The following DSG3 variants were observed in gnomAD, a reference collection of about 807,000 sequenced individuals.
The protein encoded by DSG3 is desmoglein 3.
A neutral mutation model predicts 85.9 loss-of-function variants in DSG3; 63 were observed. The observed-to-expected ratio is 0.73, with a 90% CI of 0.60 to 0.90. DSG3 has a LOEUF of 0.90. Ranked by LOEUF, DSG3 falls within the 40% of genes least tolerant of loss-of-function variation. The probability of loss-of-function intolerance (pLI) is 0.00; values close to 1 mark genes in which losing one functional copy is unlikely to be tolerated. For synonymous variants in DSG3, 447 were observed against 441.9 expected, an observed-to-expected ratio of 1.01 and a Z score of -0.14; for missense variants, 1,220 against 1,219.9, an observed-to-expected ratio of 1.00 and a Z score of 0.00.
At chr18:31,450,322 A>G (rs1040937386) in intron 1 of DSG3, among the ~76,000 whole-genome samples, 36 of 152,206 alleles carry the variant, frequency 2.4e-4, no homozygotes, top group African/African-American at 8.7e-4. Flanking sequence ...GCCTAGGGGA[A>G]ATGGACACAC....
intron 8 of DSG3, among the ~76,000 whole-genome samples, chr18:31,462,879 T>A (rs2072794777): frequency 6.6e-6 from 1 of 152,006 alleles, no homozygotes; most frequent in Non-Finnish European, 1.5e-5. Flanking sequence ...CTCTTCTCTT[T>A]AAAACCATCC....
intron 1 of DSG3, among the ~76,000 whole-genome samples, chr18:31,454,034 T>A (rs965929996): frequency 6.6e-6 from 1 of 152,128 alleles, no homozygotes; most frequent in Non-Finnish European, 1.5e-5. Context: ...CTAAAATAAT[T>A]TTTTTAAAAA....
chr18:31,457,729 G>A (rs2072757891), intron 3 of DSG3, among the ~76,000 whole-genome samples: 2 of 151,794 alleles, frequency 1.3e-5, no homozygotes, highest in Non-Finnish European at 2.9e-5. Context: ...CCAGGTTCAA[G>A]CAATTCTCCT....
At chr18:31,474,534 T>C in intron 15 of DSG3, 130 bp downstream of exon 15, 1 of 1,214,068 alleles carries the variant, frequency 8.2e-7, no homozygotes, top group Non-Finnish European at 1.1e-6. Flanking sequence ...ATGGTTTGTT[T>C]GTTTTTTGCC....
chr18:31,458,917 C>A lies in DSG3; in HGVS notation c.373-116C>A, dbSNP rs2144269173. The stretch of plus-strand genomic sequence containing the variant: ...CCACTTTGTCTACCCTTTGGGGAAA[C>A]ATTTCTTCTTTGCACAAAAGTGATG... On this transcript the variant is annotated intron_variant, in intron 4 of 15. Coordinates refer to ENST00000257189, the MANE Select transcript of DSG3 (RefSeq NM_001944.3). 6 of 1,314,640 alleles carry A rather than the reference C, an allele frequency of 4.6e-6. No individual in the cohort carries two copies. In the South Asian group the frequency reaches 8.3e-5, roughly 18 times the overall value. 81.4% of individuals were successfully genotyped at this position (1,314,640 alleles called of 1,614,324 possible).
At chr18:31,449,300 T>C (rs2072697082) in intron 1 of DSG3, among the ~76,000 whole-genome samples, 1 of 152,188 alleles carries the variant, frequency 6.6e-6, no homozygotes, top group Admixed American at 6.5e-5. Context: ...TGTATGACTT[T>C]CCCACCTTTC....
Position 31,447,857 on chromosome 18 carries a change from T to C in DSG3, c.-21T>C. On this transcript the variant is annotated 5_prime_UTR_variant, in exon 1 of 16. Coordinates refer to ENST00000257189, the MANE Select transcript of DSG3 (RefSeq NM_001944.3). ...GAAGCAGCGGCTCACTTGGACTTTTTCACCAGGGAAATCAGAGACAATGAT... is the reference window on the plus strand; with the variant it reads ...GAAGCAGCGGCTCACTTGGACTTTTCCACCAGGGAAATCAGAGACAATGAT... 3.2e-6 allele frequency: 5 copies of C among 1,584,348 alleles called. No homozygotes were observed. The highest frequency in any genetic ancestry group is 4.3e-6 in the Non-Finnish European group (5 of 1,168,406).
chr18:31,466,616 G>T lies in DSG3; in HGVS notation c.1498G>T (p.Asp500Tyr), dbSNP rs751643966. 1.2e-6 allele frequency: 2 copies of T among 1,614,220 alleles called. No homozygotes were observed. Among genetic ancestry groups the T allele is most frequent in the Admixed American group, 3.3e-5 (2 of 60,028 alleles). The change falls in exon 11 of 16, where the codon GAT becomes TAT. Residue 500 changes from aspartate (D) to tyrosine (Y), a missense_variant. Asp to Tyr is a radical substitution (Grantham distance 160). Transcript: ENST00000257189. ...TTGTCCAACAGCTGTCCTCGAAAAA[G>T]ATGCAGTTTGCAGTTCTTCACCTTC... is the stretch of plus-strand genomic sequence containing the variant. ...DNCPTAVLEK[D>Y]AVCSSSPSVV... is the part of the protein sequence containing the mutation.
rs1258492616 is a variant in DSG3, at chr18:31,465,326, T to C, written c.1280T>C (p.Met427Thr). ...TTAATATTATGAAACAGATATGTCA[T>C]GGGACGTAACGATGGTGGATACCTA... ...NKAASNVKYV[M>T]GRNDGGYLMI... Residue 427 changes from methionine (M) to threonine (T), a missense_variant, in exon 10 of 16, where the codon ATG (methionine) becomes ACG (threonine). Transcript: ENST00000257189. The C allele has an allele frequency of 2.1e-6, 3 of 1,457,816 alleles. No individual in the cohort carries two copies. The highest frequency in any genetic ancestry group is 2.4e-5 in the Admixed American group (1 of 41,436). The allele number at this position is 1,457,816 out of a possible 1,614,324, so 90.3% of individuals were successfully genotyped here. A position where few individuals can be genotyped will look rare whatever the true frequency, so the allele number is the denominator to read the frequency against.
intron 1 of DSG3, among the ~76,000 whole-genome samples, chr18:31,450,606 A>G (rs2072705814): frequency 6.6e-6 from 1 of 152,222 alleles, no homozygotes; most frequent in Non-Finnish European, 1.5e-5. Flanking sequence ...CCACCATCCA[A>G]TGACCATACA....
In DSG3 at chr18:31,478,152, G is replaced by T. The variant is rs2072900722; in HGVS notation, c.*1892G>T. The T allele has an allele frequency of 6.6e-6, 1 of 152,174 alleles. No homozygotes were observed. The highest frequency in any genetic ancestry group is 2.4e-5 in the African/African-American group (1 of 41,432). 9.4% of individuals were successfully genotyped at this position (152,174 alleles called of 1,614,324 possible). A position where few individuals can be genotyped will look rare whatever the true frequency, so the allele number is the denominator to read the frequency against. On this transcript the variant is annotated 3_prime_UTR_variant, in exon 16 of 16. Coordinates refer to ENST00000257189, the MANE Select transcript of DSG3 (RefSeq NM_001944.3). ...CTTTCAATGTGCCCATCTTAGGTGG[G>T]AGAAGCTAGATCCTGTGCAGCAGCC...
At position 31,457,129 on chromosome 18, in the gene DSG3, G is replaced by A; in HGVS notation, c.216+5G>A. On this transcript the variant is annotated splice_donor_5th_base_variant and intron_variant, in intron 3 of 15. Transcript: ENST00000257189. ...AAAAGAAACCCAATTGCCAAGGTAA[G>A]TTATATCAACAGGAGCGTATGAGTT... The A allele has an allele frequency of 6.2e-7, 1 of 1,610,722 alleles. No homozygotes were observed. The highest frequency in any genetic ancestry group is 8.5e-7 in the Non-Finnish European group (1 of 1,179,040).
intron 1 of DSG3, among the ~76,000 whole-genome samples, chr18:31,449,362 C>T (rs1273348748): frequency 6.6e-6 from 1 of 152,158 alleles, no homozygotes; most frequent in East Asian, 1.9e-4. Flanking sequence ...ACCCCTATGT[C>T]CAAGCCAATG....
intron 1 of DSG3, among the ~76,000 whole-genome samples, chr18:31,451,361 T>G (rs1006162088): frequency 6.6e-6 from 1 of 152,206 alleles, no homozygotes; most frequent in Non-Finnish European, 1.5e-5. Context: ...TAGAGATGTT[T>G]GAAATCTAAA....
At chr18:31,464,722 C>T (rs1405155409) in intron 9 of DSG3, among the ~76,000 whole-genome samples, 1 of 152,092 alleles carries the variant, frequency 6.6e-6, no homozygotes. Context: ...TCATATAAAA[C>T]AGCACTTACA....
intron 9 of DSG3, among the ~76,000 whole-genome samples, chr18:31,465,096 G>A (rs2072809426): frequency 6.7e-6 from 1 of 149,640 alleles, no homozygotes; most frequent in African/African-American, 2.5e-5. Context: ...TTGCACTCCA[G>A]CCCGGGCAAC....
At chr18:31,461,051 TTTAAG>T in intron 7 of DSG3, 90 bp downstream of exon 7, 1 of 1,361,062 alleles carries the variant, frequency 7.3e-7, no homozygotes. Flanking sequence ...TTGGCTTTTA[TTTAAG>T]TTCTCTGCAC....
chr18:31,468,937 T>C, intron 11 of DSG3, 152 bp from the exon 12 acceptor site: 3 of 1,133,126 alleles, frequency 2.6e-6, no homozygotes, highest in Non-Finnish European at 3.8e-6. Context: ...TTCTGACACC[T>C]TGATATTGAG....
rs996806717 is a variant in DSG3, at chr18:31,456,374, T to C, written c.49-66T>C. 9.3e-6 allele frequency: 9 copies of C among 971,662 alleles called. No individual in the cohort carries two copies. In the African/African-American group the frequency reaches 1.3e-4, roughly 15 times the overall value. 60.2% of individuals were successfully genotyped at this position (971,662 alleles called of 1,614,324 possible). A position where few individuals can be genotyped will look rare whatever the true frequency, so the allele number is the denominator to read the frequency against. On this transcript the variant is annotated intron_variant, in intron 1 of 15. Coordinates refer to ENST00000257189, the MANE Select transcript of DSG3 (RefSeq NM_001944.3). ...CAATAGAATATAATAATCAGGATTATTCATTGTATATAATTCCTTATTTGA... is the reference window on the plus strand; with the variant it reads ...CAATAGAATATAATAATCAGGATTACTCATTGTATATAATTCCTTATTTGA...
Sources: gnomAD v4.1 joint callset for allele counts (sites outside exome capture counted in the v4.1 genomes callset) on GRCh38, gnomAD v4.1.1 for gene constraint, MANE v1.5 for transcripts, NCBI Gene and HGNC (gene_info 2026-07-23, HGNC 2026-07-21) for gene names.